The following SLITRK5 variants were observed in gnomAD, a reference collection of about 807,000 sequenced individuals.
SLITRK5 encodes SLIT and NTRK-like protein 5.
SLITRK5 carries 23 observed loss-of-function variants against 56.2 expected under a neutral mutation model. The observed-to-expected ratio is 0.41, with a 90% CI of 0.29 to 0.58. SLITRK5 has a LOEUF of 0.58. SLITRK5 is among the 20% of genes least tolerant of loss of function. The pLI is 0.30. For synonymous variants in SLITRK5, 637 were observed against 531.8 expected, an observed-to-expected ratio of 1.20 and a Z score of -2.72; for missense variants, 1,289 against 1,226.6, an observed-to-expected ratio of 1.05 and a Z score of -0.76.
rs1466664671 is a variant in SLITRK5 at position 87,678,276 on chromosome 13, A to T, written c.*11A>T. Reference sequence around the variant, plus strand: ...TTTAGCCAGTTCTAAAAGCAAAGAAACTCTCTTGGAGCTTTTGCATTTAAA... The same window carrying T: ...TTTAGCCAGTTCTAAAAGCAAAGAATCTCTCTTGGAGCTTTTGCATTTAAA... On this transcript the variant is annotated 3_prime_UTR_variant, in exon 2 of 2. Transcript: ENST00000683689. 3 of 1,587,358 alleles carry T rather than the reference A, an allele frequency of 1.9e-6. No individual in the cohort carries two copies. In the East Asian group the frequency reaches 6.7e-5, roughly 36 times the overall value.
rs985109359 is a variant in SLITRK5, at chr13:87,677,803, A to C, written c.2415A>C (p.Pro805=). 9.3e-6 allele frequency: 15 copies of C among 1,609,382 alleles called. No individual in the cohort carries two copies. The Admixed American group carries it at 1.0e-4, about 11-fold the overall frequency. The change falls in exon 2 of 2, where the codon CCA becomes CCC. Residue 805 remains proline, a synonymous_variant. Transcript: ENST00000683689. This position sits in a 1 kb window ranked among gnomAD's most constrained non-coding sequence, Gnocchi z 4.7. ...AGCCGCCGCCGCCACCGCAGCAGCC[A>C]CAGCAGCAGCCCCCGCCGCAGCTGC... The part of the protein sequence containing the change: ...QQQPPPPPQQ[P]QQQPPPQLQL...
rs747779837 is a variant in SLITRK5 at position 87,677,401 on chromosome 13, G to T, written c.2013G>T (p.Leu671=). 1.2e-6 allele frequency: 2 copies of T among 1,613,828 alleles called. No individual in the cohort carries two copies. The highest frequency in any genetic ancestry group is 1.7e-6 in the Non-Finnish European group (2 of 1,180,002). ...TGTCTGTGTTAATTCTCAGCCTCCT[G>T]CTGGTTTTCATCATGTCCGTCTTCG... ...VPLSVLILSL[L]LVFIMSVFVA... Residue 671 remains leucine (L), a synonymous_variant, in exon 2 of 2, where the codon CTG becomes CTT. Transcript: ENST00000683689. The surrounding 1 kb of genome is among the most constrained non-coding windows in gnomAD (Gnocchi z 4.7).
chr13:87,676,396 A>C lies in SLITRK5; in HGVS notation c.1008A>C (p.Gln336His). The change falls in exon 2 of 2, where the codon CAA (glutamine) becomes CAC (histidine). Residue 336 changes from glutamine to histidine, a missense_variant. By Grantham distance (24) the Gln-to-His change is conservative. Around this residue, in one of 3 missense-constraint regions of SLITRK5, gnomAD observed 985 missense variants for 906.0 expected, o/e 1.09. Transcript: ENST00000683689. ...PPLKPPKGTR[Q>H]PNKPRVRPTS... is the part of the protein sequence containing the mutation. ...TGAAGCCCCCTAAGGGGACTCGCCAACCCAACAAGCCCAGGGTGCGCCCCA... is the reference window on the plus strand; with the variant it reads ...TGAAGCCCCCTAAGGGGACTCGCCACCCCAACAAGCCCAGGGTGCGCCCCA... 1.2e-6 allele frequency: 2 copies of C among 1,613,998 alleles called. No homozygotes were observed. Among genetic ancestry groups the C allele is most frequent in the Non-Finnish European group, 1.7e-6 (2 of 1,180,000 alleles).
Position 87,676,150 on chromosome 13 carries a change from C to T in SLITRK5, c.762C>T (p.Ser254=), listed in dbSNP as rs1276824552. 2 of 1,613,954 alleles carry T rather than the reference C, an allele frequency of 1.2e-6. No individual in the cohort carries two copies. Among genetic ancestry groups the T allele is most frequent in the African/African-American group, 2.7e-5 (2 of 74,906 alleles). Residue 254 remains serine, a synonymous_variant, in exon 2 of 2, where the codon TCC becomes TCT. Coordinates refer to ENST00000683689, the MANE Select transcript of SLITRK5 (RefSeq NM_001384609.1). ...ISLKDWLDSI[S]YSALVGDVVC... ...TAAAGGATTGGTTGGACAGCATCTC[C>T]TATTCAGCCCTGGTGGGGGATGTAG...
intron 1 of SLITRK5, 75 bp from the exon 2 acceptor site, chr13:87,675,306 G>C: frequency 9.5e-7 from 1 of 1,048,162 alleles, no homozygotes; most frequent in Non-Finnish European, 1.4e-6. Context: ...TGTTAAGAAA[G>C]AGAGAGACTT....
At position 87,677,487 on chromosome 13, in the gene SLITRK5, C is replaced by G; in HGVS notation, c.2099C>G (p.Thr700Ser). ...AGGAAGAAGAACCAGAGCGACCACA[C>G]CAGCACCAACAACTCCGACGTGAGC... ...KRRKKNQSDH[T>S]STNNSDVSSF... The change falls in exon 2 of 2, where the codon ACC becomes AGC. Residue 700 changes from threonine (T) to serine (S), a missense_variant. Thr to Ser is a moderately conservative substitution (Grantham distance 58, BLOSUM62 1). This residue lies in a region of SLITRK5 where 985 missense variants were observed against 906.0 expected (regional missense o/e 1.09). Transcript: ENST00000683689. The surrounding 1 kb of genome is among the most constrained non-coding windows in gnomAD (Gnocchi z 4.7). 1 of 1,611,890 alleles carries G rather than the reference C, an allele frequency of 6.2e-7. No homozygotes were observed. The highest frequency in any genetic ancestry group is 8.5e-7 in the Non-Finnish European group (1 of 1,179,962).
In SLITRK5 at chr13:87,675,485, C is replaced by A; in HGVS notation, c.97C>A (p.Leu33Ile). The A allele has an allele frequency of 2.5e-6, 4 of 1,614,190 alleles. No individual in the cohort carries two copies. Among genetic ancestry groups the A allele is most frequent in the Non-Finnish European group, 2.5e-6 (3 of 1,180,032 alleles). ...LQTLAFAVTS[L>I]VLSCAETIDY... The stretch of plus-strand genomic sequence containing the variant: ...GACTCTAGCGTTTGCTGTAACATCT[C>A]TCGTCCTTTCGTGTGCAGAAACCAT... Residue 33 changes from leucine (L) to isoleucine (I), a missense_variant, in exon 2 of 2, where the codon CTC (leucine) becomes ATC (isoleucine). Leu to Ile is a conservative substitution (Grantham distance 5). Around this residue, in one of 3 missense-constraint regions of SLITRK5, gnomAD observed 291 missense variants for 286.7 expected, o/e 1.02. Transcript: ENST00000683689.
At position 87,671,806 on chromosome 13, in the gene SLITRK5, G is replaced by C. The variant is rs1877037340; in HGVS notation, c.-412G>C. Reference sequence around the variant, plus strand: ...CTAATTAGGGGCCGCGGCGGCGGCGGGCTCGGCGCGGAGACAGCGTCGGCG... The same window carrying C: ...CTAATTAGGGGCCGCGGCGGCGGCGCGCTCGGCGCGGAGACAGCGTCGGCG... On this transcript the variant is annotated 5_prime_UTR_variant, in exon 1 of 2. Transcript: ENST00000683689. Among the ~76,000 whole-genome samples the C allele has an allele frequency of 6.6e-6, 1 of 152,034 alleles. No individual in the cohort carries two copies. The highest frequency in any genetic ancestry group is 2.1e-4 in the South Asian group (1 of 4,826).
chr13:87,673,974 A>C (rs1877157472), intron 1 of SLITRK5, among the ~76,000 whole-genome samples: 1 of 151,308 alleles, frequency 6.6e-6, no homozygotes, highest in Non-Finnish European at 1.5e-5. Context: ...CCACCCCATT[A>C]ACCAACGCAG....
chr13:87,677,329 G>A lies in SLITRK5; in HGVS notation c.1941G>A (p.Gly647=), dbSNP rs1877323829. 1 of 1,614,112 alleles carries A rather than the reference G, an allele frequency of 6.2e-7. No individual in the cohort carries two copies. Among genetic ancestry groups the A allele is most frequent in the Non-Finnish European group, 8.5e-7 (1 of 1,180,012 alleles). ...VTPAVRLNST[G]APASLGAGGG... Reference sequence around the variant, plus strand: ...CTGCGGTCCGGTTGAATAGCACCGGGGCCCCCGCGAGCTTGGGCGCAGGCG... The same window carrying A: ...CTGCGGTCCGGTTGAATAGCACCGGAGCCCCCGCGAGCTTGGGCGCAGGCG... The change falls in exon 2 of 2, where the codon GGG becomes GGA. Residue 647 remains glycine (G), a synonymous_variant. Transcript: ENST00000683689. This position sits in a 1 kb window ranked among gnomAD's most constrained non-coding sequence, Gnocchi z 4.7.
chr13:87,677,360 G>A lies in SLITRK5; in HGVS notation c.1972G>A (p.Ala658Thr). 1 of 1,614,056 alleles carries A rather than the reference G, an allele frequency of 6.2e-7. No homozygotes were observed. ...APASLGAGGG[A>T]SSVPLSVLIL... Reference sequence around the variant, plus strand: ...CGCGAGCTTGGGCGCAGGCGGAGGGGCGTCGTCGGTGCCCTTGTCTGTGTT... The same window carrying A: ...CGCGAGCTTGGGCGCAGGCGGAGGGACGTCGTCGGTGCCCTTGTCTGTGTT... Residue 658 changes from alanine (A) to threonine (T), a missense_variant, in exon 2 of 2, where the codon GCG becomes ACG. By Grantham distance (58) the Ala-to-Thr change is moderately conservative. Coordinates refer to ENST00000683689, the MANE Select transcript of SLITRK5 (RefSeq NM_001384609.1). The surrounding 1 kb of genome is among the most constrained non-coding windows in gnomAD (Gnocchi z 4.7).
Position 87,675,631 on chromosome 13 carries a change from C to T in SLITRK5, c.243C>T (p.Phe81=), listed in dbSNP as rs1289459941. 6.2e-7 allele frequency: 1 copy of T among 1,614,094 alleles called. No individual in the cohort carries two copies. The highest frequency in any genetic ancestry group is 8.5e-7 in the Non-Finnish European group (1 of 1,180,052). Reference sequence around the variant, plus strand: ...TCTCTGAAATTAGCCCTCCCCGTTTCCCAATCTACCACCTCTTGTTGTCCG... The same window carrying T: ...TCTCTGAAATTAGCCCTCCCCGTTTTCCAATCTACCACCTCTTGTTGTCCG... ...ISLSEISPPR[F]PIYHLLLSGN... is the part of the protein sequence containing the mutation. The change falls in exon 2 of 2, where the codon TTC becomes TTT. Residue 81 remains phenylalanine (F), a synonymous_variant. Coordinates refer to ENST00000683689, the MANE Select transcript of SLITRK5 (RefSeq NM_001384609.1).
chr13:87,674,693 A>G (rs1373314896), intron 1 of SLITRK5, among the ~76,000 whole-genome samples: 19 of 152,150 alleles, frequency 1.2e-4, no homozygotes, highest in Admixed American at 1.2e-3. Context: ...GTGGTAGTGA[A>G]GTCCACCATC....
In SLITRK5 at chr13:87,677,801, C is replaced by T. The variant is rs772988069; in HGVS notation, c.2413C>T (p.Pro805Ser). 2.5e-6 allele frequency: 4 copies of T among 1,610,082 alleles called. No homozygotes were observed. Among genetic ancestry groups the T allele is most frequent in the East Asian group, 2.2e-5 (1 of 44,776 alleles). Residue 805 changes from proline to serine, a missense_variant, in exon 2 of 2, where the codon CCA becomes TCA. Around this residue, in one of 3 missense-constraint regions of SLITRK5, gnomAD observed 985 missense variants for 906.0 expected, o/e 1.09. Coordinates refer to ENST00000683689, the MANE Select transcript of SLITRK5 (RefSeq NM_001384609.1). This position sits in a 1 kb window ranked among gnomAD's most constrained non-coding sequence, Gnocchi z 4.7. ...GCAGCCGCCGCCGCCACCGCAGCAG[C>T]CACAGCAGCAGCCCCCGCCGCAGCT... ...QQQPPPPPQQ[P>S]QQQPPPQLQL...
At chr13:87,672,262 G>C (rs917073083) in intron 1 of SLITRK5, among the ~76,000 whole-genome samples, 53 bp downstream of exon 1, 21 of 152,132 alleles carry the variant, frequency 1.4e-4, no homozygotes, top group African/African-American at 4.8e-4. Flanking sequence ...GGGACCCCGC[G>C]ATCGCGCCTT....
chr13:87,673,670 G>A (rs1877143379), intron 1 of SLITRK5: 5 of 489,440 alleles, frequency 1.0e-5, no homozygotes, highest in Admixed American at 4.7e-5. Context: ...ATACTTGCGA[G>A]GTTTATGCAC....
intron 1 of SLITRK5, chr13:87,674,410 G>C (rs1397925936): frequency 1.0e-6 from 1 of 985,186 alleles, no homozygotes; most frequent in African/African-American, 1.7e-5. Context: ...CCCAAGGTAA[G>C]GGAGGCTTTC....
intron 1 of SLITRK5, chr13:87,672,855 G>GT (rs1491570429): frequency 2.9e-4 from 1 of 3,394 alleles, no homozygotes; most frequent in Non-Finnish European, 7.8e-4. Context: ...TGCAAAAGAG[G>GT]TGTGTGTGTG....
At chr13:87,674,390 A>G (rs1877180703) in intron 1 of SLITRK5, 1 of 985,232 alleles carries the variant, frequency 1.0e-6, no homozygotes, top group African/African-American at 1.7e-5. Context: ...CGTTGCAAAT[A>G]GACGCGGAGC....
Sources: allele counts gnomAD v4.1 joint callset (sites outside exome capture counted in the v4.1 genomes callset), GRCh38; gene constraint gnomAD v4.1.1; regional missense constraint gnomAD v4.1.1; non-coding constraint Gnocchi (gnomAD v3.1); transcripts MANE v1.5; gene names NCBI Gene and HGNC (gene_info 2026-07-23, HGNC 2026-07-21).